Variants in VGLL4 observed in about 807,000 individuals in gnomAD.
VGLL4 encodes the protein transcription cofactor vestigial-like protein 4.
VGLL4 carries 7 observed loss-of-function variants against 21.0 expected under a neutral mutation model. The ratio of observed to expected loss-of-function variants is 0.33; its 90% CI spans 0.19 to 0.63. The LOEUF (loss-of-function observed/expected upper bound fraction) is 0.63, where lower values mean the gene tolerates loss of function less well. VGLL4 is among the 20% of genes least tolerant of loss of function. The pLI is 0.78. For missense variants in VGLL4, 394 were observed against 425.7 expected (o/e 0.93, Z 0.66); for synonymous variants, 222 against 173.2 (o/e 1.28, Z -2.21).
intron 1 of VGLL4, among the ~76,000 whole-genome samples, chr3:11,618,745 T>C (rs895724629): frequency 6.6e-6 from 1 of 152,212 alleles, no homozygotes; most frequent in African/African-American, 2.4e-5. Flanking sequence ...CATGTAAAAT[T>C]TAATGTGTTT....
intron 1 of VGLL4, among the ~76,000 whole-genome samples, chr3:11,614,544 G>A (rs1307615210): frequency 1.3e-5 from 2 of 152,212 alleles, no homozygotes; most frequent in African/African-American, 4.8e-5. Context: ...AGCCCCCCAC[G>A]GAGCTGCAGT....
At chr3:11,671,003 C>T in intron 2 of VGLL4, among the ~76,000 whole-genome samples, 1 of 152,232 alleles carries the variant, frequency 6.6e-6, no homozygotes, top group East Asian at 1.9e-4. Flanking sequence ...TGCCATTGCA[C>T]TCCAGCCTGG....
chr3:11,662,461 G>A (rs1395397610), intron 2 of VGLL4, among the ~76,000 whole-genome samples: 2 of 152,204 alleles, frequency 1.3e-5, no homozygotes, highest in African/African-American at 4.8e-5. Context: ...AATGTAGTAA[G>A]GTGGCTTATT....
chr3:11,590,237 A>G (rs2074455292), intron 2 of VGLL4, among the ~76,000 whole-genome samples: 1 of 151,944 alleles, frequency 6.6e-6, no homozygotes, highest in African/African-American at 2.4e-5. Context: ...AAGCTAGAAA[A>G]CTCATAACCA....
chr3:11,704,383 CAAAAAAAAAA>C (rs57593843), intron 1 of VGLL4, among the ~76,000 whole-genome samples: 9 of 69,170 alleles, frequency 1.3e-4, no homozygotes, highest in East Asian at 3.8e-4. Context: ...AACTCCGTCT[CAAAAAAAAAA>C]AAAAAAAAAA....
intron 1 of VGLL4, among the ~76,000 whole-genome samples, chr3:11,618,201 G>A (rs1575459090): frequency 1.3e-5 from 2 of 152,072 alleles, no homozygotes; most frequent in East Asian, 3.9e-4. Context: ...CATTAGATTG[G>A]TGTCAGGCTA....
chr3:11,580,122 C>T (rs190334832), intron 2 of VGLL4, among the ~76,000 whole-genome samples: 27 of 152,300 alleles, frequency 1.8e-4, no homozygotes, highest in Middle Eastern at 3.4e-3. Context: ...CATCCGTCTC[C>T]AGAACTTTTT....
intron 2 of VGLL4, among the ~76,000 whole-genome samples, chr3:11,677,484 A>C (rs887801197): frequency 1.3e-5 from 2 of 152,022 alleles, no homozygotes; most frequent in Non-Finnish European, 2.9e-5. Context: ...TATGTTGCCC[A>C]TGGTGGTCTC....
At chr3:11,672,589 G>A (rs549980199) in intron 2 of VGLL4, among the ~76,000 whole-genome samples, 66 of 152,262 alleles carry the variant, frequency 4.3e-4, no homozygotes, top group African/African-American at 1.6e-3. Flanking sequence ...TACTCATCCT[G>A]AGCTGTCACC....
At chr3:11,636,050 A>G (rs1329057178) in intron 1 of VGLL4, among the ~76,000 whole-genome samples, 1 of 152,234 alleles carries the variant, frequency 6.6e-6, no homozygotes, top group Non-Finnish European at 1.5e-5. Flanking sequence ...ATGGAAGAAC[A>G]TGGGTAAAGA....
At chr3:11,712,451 G>A (rs2076860151) in intron 1 of VGLL4, among the ~76,000 whole-genome samples, 2 of 152,088 alleles carry the variant, frequency 1.3e-5, no homozygotes, top group African/African-American at 4.8e-5. Flanking sequence ...CCATCTTCCA[G>A]GTGTATAGCA....
At chr3:11,584,019 A>G (rs1299710457) in intron 2 of VGLL4, among the ~76,000 whole-genome samples, 2 of 152,230 alleles carry the variant, frequency 1.3e-5, no homozygotes, top group Non-Finnish European at 2.9e-5. Flanking sequence ...TACACAATAC[A>G]TTTCAGTCCC....
chr3:11,561,681 A>G (rs1172638566), intron 3 of VGLL4, among the ~76,000 whole-genome samples: 2 of 151,710 alleles, frequency 1.3e-5, no homozygotes, highest in African/African-American at 4.9e-5. Flanking sequence ...CCACACCCTT[A>G]TTTTCCAGAT....
intron 1 of VGLL4, among the ~76,000 whole-genome samples, chr3:11,631,361 T>C (rs556589457): frequency 2.3e-4 from 35 of 152,262 alleles, no homozygotes; most frequent in African/African-American, 7.9e-4. Flanking sequence ...CAACCACTCA[T>C]AACCAAAACT....
intron 1 of VGLL4, among the ~76,000 whole-genome samples, chr3:11,707,814 ACACCACTG>A (rs2076784130): frequency 6.6e-6 from 1 of 151,888 alleles, no homozygotes; most frequent in African/African-American, 2.4e-5. Flanking sequence ...AGCTATGATC[ACACCACTG>A]CACTCCAGCC....
chr3:11,572,631 G>A lies in VGLL4; in HGVS notation c.273-7612C>T, dbSNP rs889998246. 5.3e-5 allele frequency among the ~76,000 whole-genome samples: 8 copies of A among 152,208 alleles called. No individual in the cohort carries two copies. In the South Asian group the frequency reaches 6.2e-4, roughly 12 times the overall value. On this transcript the variant is annotated intron_variant, in intron 2 of 4. Transcript: ENST00000430365. ...CCTCTTGCCACACGTGGATGTGTCC[G>A]GAAGCACACATCCGTCGCATGCTTC...
chr3:11,678,874 G>A (rs1445554371), intron 2 of VGLL4, among the ~76,000 whole-genome samples: 1 of 152,126 alleles, frequency 6.6e-6, no homozygotes, highest in South Asian at 2.1e-4. Context: ...CATATGCCAC[G>A]GTGGTTCCAT....
At chr3:11,625,717 A>AT (rs10707702) in intron 1 of VGLL4, among the ~76,000 whole-genome samples, 33,236 of 150,252 alleles carry the variant, frequency 0.22, 4,128 homozygotes, top group South Asian at 0.45. Context: ...CTTTAAAAAC[A>AT]TTTTTTTTTT....
intron 1 of VGLL4, among the ~76,000 whole-genome samples, chr3:11,609,201 G>T (rs1408009275): frequency 6.6e-6 from 1 of 152,072 alleles, no homozygotes; most frequent in East Asian, 1.9e-4. Context: ...AAATTAAGTG[G>T]TTTGATTAGA....
Sources: gnomAD v4.1 joint callset for allele counts (sites outside exome capture counted in the v4.1 genomes callset) on GRCh38, gnomAD v4.1.1 for gene constraint, MANE v1.5 for transcripts, NCBI Gene and HGNC (gene_info 2026-07-23, HGNC 2026-07-21) for gene names.